Variants in TYW1 observed in about 807,000 individuals in gnomAD.
TYW1 encodes tRNA-yW synthesizing protein 1 homolog, also known as S-adenosyl-L-methionine-dependent tRNA 4-demethylwyosine synthase TYW1.
In TYW1, 46 loss-of-function variants were observed where a neutral mutation model predicts 96.2. That is an observed-to-expected ratio of 0.48 (90% CI 0.38 to 0.61). The LOEUF is 0.61. TYW1 is among the 20% of genes least tolerant of loss of function. The pLI is 0.00. For missense variants in TYW1, 684 were observed against 909.6 expected, an observed-to-expected ratio of 0.75 and a Z score of 3.19; for synonymous variants, 274 against 323.0, an observed-to-expected ratio of 0.85 and a Z score of 1.63.
intron 9 of TYW1, 143 bp from the exon 10 acceptor site, chr7:67,067,142 T>TG: frequency 1.1e-6 from 1 of 904,086 alleles, no homozygotes; most frequent in South Asian, 1.6e-5. Context: ...AATGCTCTGA[T>TG]GCGAATTTCC....
intron 10 of TYW1, among the ~76,000 whole-genome samples, chr7:67,078,028 G>A (rs190992876): frequency 2.0e-5 from 3 of 151,934 alleles, no homozygotes; most frequent in Admixed American, 2.0e-4. Flanking sequence ...TTGAGTCTAT[G>A]TGTCTGTTCT....
intron 15 of TYW1, among the ~76,000 whole-genome samples, chr7:67,206,657 AAATAAAT>A (rs1800811253): frequency 6.9e-6 from 1 of 145,196 alleles, no homozygotes; most frequent in African/African-American, 2.5e-5. Context: ...ATAAATAAAT[AAATAAAT>A]AAAATGAAGC....
intron 3 of TYW1, among the ~76,000 whole-genome samples, chr7:67,000,232 A>G (rs1793336843): frequency 6.6e-6 from 1 of 152,140 alleles, no homozygotes; most frequent in African/African-American, 2.4e-5. Flanking sequence ...CACCGTGCCC[A>G]GTCCCATTCT....
chr7:67,218,048 G>A (rs1336754469), intron 15 of TYW1, among the ~76,000 whole-genome samples: 1 of 151,054 alleles, frequency 6.6e-6, no homozygotes, highest in African/African-American at 2.4e-5. Flanking sequence ...TAGTAGAGAT[G>A]GGATTTCACC....
At chr7:67,150,968 A>C (rs1298797562) in intron 13 of TYW1, among the ~76,000 whole-genome samples, 1 of 151,370 alleles carries the variant, frequency 6.6e-6, no homozygotes, top group Non-Finnish European at 1.5e-5. Flanking sequence ...CACCCACGGT[A>C]ACTTTACACC....
chr7:67,123,056 C>G (rs1457567855), intron 13 of TYW1, among the ~76,000 whole-genome samples: 3 of 152,128 alleles, frequency 2.0e-5, no homozygotes, highest in Non-Finnish European at 4.4e-5. Flanking sequence ...TTCTTCTTTC[C>G]TTTGCTTTAG....
At chr7:67,025,991 A>G (rs1035848332) in intron 7 of TYW1, among the ~76,000 whole-genome samples, 1 of 152,224 alleles carries the variant, frequency 6.6e-6, no homozygotes, top group African/African-American at 2.4e-5. Context: ...TTTCCAAACA[A>G]TAGCCAGTTA....
chr7:67,156,712 C>T (rs980084119), intron 13 of TYW1, among the ~76,000 whole-genome samples: 7 of 152,024 alleles, frequency 4.6e-5, no homozygotes, highest in African/African-American at 1.7e-4. Flanking sequence ...TGTGGAGATG[C>T]AGGGGCTATT....
intron 15 of TYW1, among the ~76,000 whole-genome samples, chr7:67,216,768 A>G (rs1288519064): frequency 2.0e-5 from 3 of 150,386 alleles, no homozygotes; most frequent in Non-Finnish European, 4.4e-5. Flanking sequence ...ATTTTGCCCT[A>G]TAGAACTTTT....
chr7:67,081,059 T>C (rs13225388), intron 10 of TYW1, among the ~76,000 whole-genome samples: 73,972 of 148,844 alleles, frequency 0.5, 19,296 homozygotes, highest in African/African-American at 0.66. Flanking sequence ...TATACTTTTG[T>C]GTATTTTCAT....
chr7:67,091,936 T>TTCTA (rs1284231830), intron 11 of TYW1, among the ~76,000 whole-genome samples: 5 of 152,314 alleles, frequency 3.3e-5, no homozygotes, highest in East Asian at 1.9e-4. Context: ...ATGGCTTTGG[T>TTCTA]GTCTTTGCTT....
At chr7:67,148,110 G>C (rs2116148051) in intron 13 of TYW1, among the ~76,000 whole-genome samples, 1 of 152,072 alleles carries the variant, frequency 6.6e-6, no homozygotes, top group Non-Finnish European at 1.5e-5. Context: ...AAGGCTTTGG[G>C]GTTTGTGGGG....
chr7:67,158,677 C>T (rs895143314), intron 13 of TYW1, among the ~76,000 whole-genome samples: 57 of 152,282 alleles, frequency 3.7e-4, no homozygotes, highest in Middle Eastern at 3.4e-3. Context: ...TCATACCATT[C>T]TCCTGCCTCA....
chr7:67,196,409 T>A (rs12154795), intron 15 of TYW1, among the ~76,000 whole-genome samples: 14,524 of 152,194 alleles, frequency 0.095, 784 homozygotes, highest in Middle Eastern at 0.14. Context: ...TGTCTGTCAT[T>A]TCTGCAGGTT....
intron 10 of TYW1, among the ~76,000 whole-genome samples, chr7:67,075,812 C>T (rs1282102521): frequency 1.3e-5 from 2 of 152,170 alleles, no homozygotes; most frequent in African/African-American, 4.8e-5. Context: ...GTCATGGATG[C>T]ATGTAAAAAG....
chr7:67,109,365 TAGC>T (rs1325287123), intron 12 of TYW1, among the ~76,000 whole-genome samples: 1 of 148,552 alleles, frequency 6.7e-6, no homozygotes, highest in Non-Finnish European at 1.5e-5. Flanking sequence ...TCAGCAGAAA[TAGC>T]AGAGCACAGA....
chr7:67,013,738 CCT>C (rs1793900370), intron 4 of TYW1, among the ~76,000 whole-genome samples: 1 of 129,338 alleles, frequency 7.7e-6, no homozygotes, highest in African/African-American at 3.0e-5. Context: ...TGCATTTTTT[CCT>C]TTTTTTTTTT....
At chr7:67,082,109 G>T (rs1484084453) in intron 10 of TYW1, among the ~76,000 whole-genome samples, 3 of 151,174 alleles carry the variant, frequency 2.0e-5, no homozygotes, top group Non-Finnish European at 4.4e-5. Context: ...TCTGTTACAG[G>T]CCTCGATTTT....
intron 13 of TYW1, among the ~76,000 whole-genome samples, chr7:67,174,563 A>G (rs1412389480): frequency 1.3e-5 from 2 of 151,194 alleles, no homozygotes; most frequent in Non-Finnish European, 1.5e-5. Context: ...AATAAGCTAA[A>G]TGCATATATT....
Sources: allele counts gnomAD v4.1 joint callset (sites outside exome capture counted in the v4.1 genomes callset), GRCh38; gene constraint gnomAD v4.1.1; transcripts MANE v1.5; gene names NCBI Gene and HGNC (gene_info 2026-07-23, HGNC 2026-07-21).